The following GGN variants were observed in gnomAD, a reference collection of about 807,000 sequenced individuals.
GGN encodes the protein gametogenetin.
A neutral mutation model predicts 35.5 loss-of-function variants in GGN; 27 were observed. That is an observed-to-expected ratio of 0.76 (90% confidence interval 0.56 to 1.05). The LOEUF (loss-of-function observed/expected upper bound fraction) is 1.05. Among genes scored for constraint, GGN ranks in the 50% least tolerant of loss-of-function variants. The pLI, the probability that GGN is intolerant of heterozygous loss-of-function variation, is 0.00. For missense variants in GGN, 1,006 were observed against 940.7 expected, an observed-to-expected ratio of 1.07 and a Z score of -0.91; for synonymous variants, 425 against 444.1, an observed-to-expected ratio of 0.96 and a Z score of 0.54.
Position 38,384,463 on chromosome 19 carries a change from A to C in GGN, c.1908T>G (p.Ser636=). 6.2e-7 allele frequency: 1 copy of C among 1,614,082 alleles called. No homozygotes were observed. The highest frequency in any genetic ancestry group is 8.5e-7 in the Non-Finnish European group (1 of 1,179,994). Residue 636 remains serine, a synonymous_variant, in exon 4 of 4, where the codon TCT becomes TCG. Transcript: ENST00000334928. The part of the protein sequence containing the change: ...PWVATIKLSG[S]LVAKLEHYDL... ...CGTAGTGCTCCAGCTTGGCCACCAG[A>C]GAGCCGGACAGCTTGATGGTGGCAA...
chr19:38,386,274 C>T lies in GGN; in HGVS notation c.988G>A (p.Ala330Thr), dbSNP rs749782160. 6.2e-7 allele frequency: 1 copy of T among 1,609,948 alleles called. No individual in the cohort carries two copies. Residue 330 changes from alanine (A) to threonine (T), a missense_variant, in exon 3 of 4, where the codon GCG becomes ACG. By Grantham distance (58) the Ala-to-Thr change is moderately conservative. Coordinates refer to ENST00000334928, the MANE Select transcript of GGN (RefSeq NM_152657.4). ...EGCSGPPSAP[A>T]SQARALPPPP... ...GGCGGTAGGGCCCGGGCTTGGGACG[C>T]AGGCGCCGAGGGAGGACCAGAGCAC...
chr19:38,385,938 G>C lies in GGN; in HGVS notation c.1324C>G (p.Pro442Ala). Residue 442 changes from proline to alanine, a missense_variant, in exon 3 of 4, where the codon CCG becomes GCG. Physicochemically the swap from Pro to Ala is conservative, Grantham distance 27. Transcript: ENST00000334928. ...PGLQELPPLP[P>A]PTPPPTLQPP... ...TGCAGTGTGGGCGGCGGTGTGGGCG[G>C]TGGCAGCGGTGGTAACTCCTGCAGG... 6.3e-7 allele frequency: 1 copy of C among 1,588,018 alleles called. No individual in the cohort carries two copies. The highest frequency in any genetic ancestry group is 8.6e-7 in the Non-Finnish European group (1 of 1,168,578).
rs746206553 is a variant in GGN at position 38,384,378 on chromosome 19, G to A, written c.*34C>T. On this transcript the variant is annotated 3_prime_UTR_variant, in exon 4 of 4. Transcript: ENST00000334928. ...CTGGATTGGTTATTTTATTGGCATG[G>A]AGGGGAAGGTGGAGGGTGTTGAGCC... 16 of 1,456,864 alleles carry A rather than the reference G, an allele frequency of 1.1e-5. No individual in the cohort carries two copies. The highest frequency in any genetic ancestry group is 1.7e-5 in the Admixed American group (1 of 59,422). The allele number at this position is 1,456,864 out of a possible 1,614,324, so 90.2% of individuals were successfully genotyped here.
rs545476335 is a variant in GGN at position 38,386,190 on chromosome 19, C to T, written c.1072G>A (p.Asp358Asn). The change falls in exon 3 of 4, where the codon GAC becomes AAC. Residue 358 changes from aspartate (D) to asparagine (N), a missense_variant. Physicochemically the swap from Asp to Asn is conservative, Grantham distance 23. Coordinates refer to ENST00000334928, the MANE Select transcript of GGN (RefSeq NM_152657.4). ...AAGCGGAAGTGGCGTTCAGGGCCGT[C>T]GGGAGCGCTAACCCAGTCGAATTTG... ...KPKFDWVSAP[D>N]GPERHFRFNG... 8.1e-5 allele frequency: 130 copies of T among 1,601,560 alleles called. 3 individuals are homozygous for T. The South Asian group carries it at 1.2e-3, about 15-fold the overall frequency.
intron 3 of GGN, among the ~76,000 whole-genome samples, chr19:38,384,900 C>T (rs996110011): frequency 2.0e-5 from 3 of 152,178 alleles, no homozygotes; most frequent in African/African-American, 7.2e-5. Flanking sequence ...ACATCAGTGC[C>T]CTCTGGCGGC....
rs1970676456 is a variant in GGN, at chr19:38,384,466, G to A, written c.1905C>T (p.Gly635=). The A allele has an allele frequency of 6.2e-7, 1 of 1,614,100 alleles. No homozygotes were observed. The highest frequency in any genetic ancestry group is 8.5e-7 in the Non-Finnish European group (1 of 1,179,996). The change falls in exon 4 of 4, where the codon GGC becomes GGT. Residue 635 remains glycine (G), a synonymous_variant. Transcript: ENST00000334928. ...AGTGCTCCAGCTTGGCCACCAGAGA[G>A]CCGGACAGCTTGATGGTGGCAACCC... ...PPWVATIKLS[G]SLVAKLEHYD...
chr19:38,386,441 C>G lies in GGN; in HGVS notation c.821G>C (p.Gly274Ala), dbSNP rs751392247. 4.3e-6 allele frequency: 7 copies of G among 1,612,574 alleles called. No homozygotes were observed. ...GGCACCTGAGGCAGCAAAGAGGCCG[C>G]CGCCTCCGCCGCCCCCCAGCGAAGC... ...AKASLGGGGG[G>A]GLFAASGAIS... The change falls in exon 3 of 4, where the codon GGC becomes GCC. Residue 274 changes from glycine (G) to alanine (A), a missense_variant. Transcript: ENST00000334928.
At position 38,386,436 on chromosome 19, in the gene GGN, G is replaced by A. The variant is rs763774087; in HGVS notation, c.826C>T (p.Leu276Phe). ...GAGATGGCACCTGAGGCAGCAAAGA[G>A]GCCGCCGCCTCCGCCGCCCCCCAGC... ...ASLGGGGGGG[L>F]FAASGAISYA... is the part of the protein sequence containing the mutation. The change falls in exon 3 of 4, where the codon CTC (leucine) becomes TTC (phenylalanine). Residue 276 changes from leucine to phenylalanine, a missense_variant. By Grantham distance (22) the Leu-to-Phe change is conservative. Coordinates refer to ENST00000334928, the MANE Select transcript of GGN (RefSeq NM_152657.4). 35 of 1,612,682 alleles carry A rather than the reference G, an allele frequency of 2.2e-5. No individual in the cohort carries two copies. The highest frequency in any genetic ancestry group is 3.0e-5 in the Non-Finnish European group (35 of 1,179,932).
In GGN at chr19:38,385,768, C is replaced by G. The variant is rs1036277657; in HGVS notation, c.1494G>C (p.Pro498=). 1.3e-6 allele frequency: 2 copies of G among 1,581,474 alleles called. No homozygotes were observed. The highest frequency in any genetic ancestry group is 1.3e-5 in the African/African-American group (1 of 74,274). The change falls in exon 3 of 4, where the codon CCG becomes CCC. Residue 498 remains proline, a synonymous_variant. Transcript: ENST00000334928. ...GCTCAGCCACGGTGGGAGCTGGAGC[C>G]GGGGATGGGGCCGGGGCCTGGTCGG... ...LAADQAPAPS[P]APAPTVAEPS...
Position 38,386,949 on chromosome 19 carries a change from G to C in GGN, c.313C>G (p.Leu105Val). The change falls in exon 3 of 4, where the codon CTG (leucine) becomes GTG (valine). Residue 105 changes from leucine (L) to valine (V), a missense_variant. Coordinates refer to ENST00000334928, the MANE Select transcript of GGN (RefSeq NM_152657.4). ...TTTTGCCATTTAGACGGGCCGGGCA[G>C]CAGAGTCCCCGCGGGGGCCGGGGGT... ...APPPAPAGTL[L>V]PGPSKWQKPA... 6.5e-7 allele frequency: 1 copy of C among 1,545,156 alleles called. No individual in the cohort carries two copies. Among genetic ancestry groups the C allele is most frequent in the Non-Finnish European group, 8.7e-7 (1 of 1,145,992 alleles).
Position 38,386,096 on chromosome 19 carries a change from G to T in GGN, c.1166C>A (p.Ser389Tyr). ...TATCTGCTCTGGTGGTGGCGGAGGG[G>T]AGCCCCAAGGCCCAGAGAGTGCGGC... The part of the protein sequence containing the change: ...RAAALSGPWG[S>Y]PPPPPEQIHS... The change falls in exon 3 of 4, where the codon TCC becomes TAC. Residue 389 changes from serine (S) to tyrosine (Y), a missense_variant. Ser to Tyr is a moderately radical substitution (Grantham distance 144). Transcript: ENST00000334928. 1 of 1,582,614 alleles carries T rather than the reference G, an allele frequency of 6.3e-7. No homozygotes were observed. The highest frequency in any genetic ancestry group is 2.3e-5 in the East Asian group (1 of 43,716).
At position 38,385,976 on chromosome 19, in the gene GGN, G is replaced by C. The variant is rs779764443; in HGVS notation, c.1286C>G (p.Pro429Arg). 15 of 1,605,254 alleles carry C rather than the reference G, an allele frequency of 9.3e-6. No homozygotes were observed. Among genetic ancestry groups the C allele is most frequent in the Non-Finnish European group, 1.3e-5 (15 of 1,176,228 alleles). ...PAPTNGEPMRPGPPGLQELPP... is the reference protein window; with the variant it reads ...PAPTNGEPMRRGPPGLQELPP... The stretch of plus-strand genomic sequence containing the variant: ...TAACTCCTGCAGGCCTGGAGGCCCC[G>C]GGCGCATGGGCTCGCCATTGGTGGG... The change falls in exon 3 of 4, where the codon CCG (proline) becomes CGG (arginine). Residue 429 changes from proline to arginine, a missense_variant. Transcript: ENST00000334928.
chr19:38,385,570 A>AC lies in GGN; in HGVS notation c.1691dup (p.Gly565TrpfsTer12). On this transcript the variant is annotated frameshift_variant, in exon 3 of 4. Coordinates refer to ENST00000334928, the MANE Select transcript of GGN (RefSeq NM_152657.4). LOFTEE classifies it high-confidence loss of function. ...CAGTCTGAGAGGCCCCGCTGCCACC[A>AC]CCCCCTCCACCACTGCTGTCAGGCA... 6.2e-7 allele frequency: 1 copy of AC among 1,613,518 alleles called. No individual in the cohort carries two copies. Among genetic ancestry groups the AC allele is most frequent in the East Asian group, 2.2e-5 (1 of 44,848 alleles).
Position 38,384,361 on chromosome 19 carries a change from G to T in GGN, c.*51C>A, listed in dbSNP as rs576596853. On this transcript the variant is annotated 3_prime_UTR_variant, in exon 4 of 4. Coordinates refer to ENST00000334928, the MANE Select transcript of GGN (RefSeq NM_152657.4). ...TGACAGGCTGCTGGCATCTGGATTG[G>T]TTATTTTATTGGCATGGAGGGGAAG... 2 of 1,353,224 alleles carry T rather than the reference G, an allele frequency of 1.5e-6. No homozygotes were observed. The highest frequency in any genetic ancestry group is 1.1e-6 in the Non-Finnish European group (1 of 945,550). The allele number at this position is 1,353,224 out of a possible 1,614,324, so 83.8% of individuals were successfully genotyped here.
chr19:38,385,602 CTGTAGCTCGTTCGCGAGGACCA>C lies in GGN; in HGVS notation c.1638_1659del (p.Asp546GlufsTer63). ...CCACCACTGCTGTCAGGCACGGTAGCTGTAGCTCGTTCGCGAGGACCATCTCCATGCAAGCCATCCTTACGGG... is the reference window on the plus strand; with the variant it reads ...CCACCACTGCTGTCAGGCACGGTAGCTCTCCATGCAAGCCATCCTTACGGG... On this transcript the variant is annotated frameshift_variant, in exon 3 of 4. Transcript: ENST00000334928. LOFTEE classifies it high-confidence loss of function. 1 of 1,614,172 alleles carries C rather than the reference CTGTAGCTCGTTCGCGAGGACCA, an allele frequency of 6.2e-7. No homozygotes were observed.
Position 38,384,328 on chromosome 19 carries a change from C to T in GGN, c.*84G>A, listed in dbSNP as rs1471457479. On this transcript the variant is annotated 3_prime_UTR_variant, in exon 4 of 4. Coordinates refer to ENST00000334928, the MANE Select transcript of GGN (RefSeq NM_152657.4). ...TGCTGCACCCTACCCACTGCCTTGG[C>T]GAGTGATTGACAGGCTGCTGGCATC... The T allele has an allele frequency of 2.2e-5, 22 of 988,012 alleles. No homozygotes were observed. The highest frequency in any genetic ancestry group is 1.1e-4 in the African/African-American group (7 of 62,952). 61.2% of individuals were successfully genotyped at this position (988,012 alleles called of 1,614,324 possible). A position where few individuals can be genotyped will look rare whatever the true frequency, so the allele number is the denominator to read the frequency against.
rs778425172 is a variant in GGN, at chr19:38,385,575, C to T, written c.1687G>A (p.Gly563Arg). 11 of 1,614,024 alleles carry T rather than the reference C, an allele frequency of 6.8e-6. No individual in the cohort carries two copies. The South Asian group carries it at 8.8e-5, about 13-fold the overall frequency. ...TATVPDSSGG[G>R]GGGSGASQTG... ...TGAGAGGCCCCGCTGCCACCACCCC[C>T]TCCACCACTGCTGTCAGGCACGGTA... Residue 563 changes from glycine to arginine, a missense_variant, in exon 3 of 4, where the codon GGG (glycine) becomes AGG (arginine). Coordinates refer to ENST00000334928, the MANE Select transcript of GGN (RefSeq NM_152657.4).
chr19:38,387,492 C>G lies in GGN; in HGVS notation c.-19-212G>C, dbSNP rs1970754407. On this transcript the variant is annotated intron_variant, in intron 2 of 3. Coordinates refer to ENST00000334928, the MANE Select transcript of GGN (RefSeq NM_152657.4). The surrounding 1 kb of genome is among the most constrained non-coding windows in gnomAD (Gnocchi z 5.3). Reference sequence around the variant, plus strand: ...CAACACAGCTGCTGTTAAGATACTTCACTACCAGCCCCATTATGTACTAAG... The same window carrying G: ...CAACACAGCTGCTGTTAAGATACTTGACTACCAGCCCCATTATGTACTAAG... Among the ~76,000 whole-genome samples the G allele has an allele frequency of 6.6e-6, 1 of 152,148 alleles. No individual in the cohort carries two copies. Among genetic ancestry groups the G allele is most frequent in the Admixed American group, 6.5e-5 (1 of 15,284 alleles).
At position 38,385,674 on chromosome 19, in the gene GGN, C is replaced by G. The variant is rs1481086292; in HGVS notation, c.1588G>C (p.Gly530Arg). 2 of 1,613,704 alleles carry G rather than the reference C, an allele frequency of 1.2e-6. No individual in the cohort carries two copies. Among genetic ancestry groups the G allele is most frequent in the South Asian group, 1.1e-5 (1 of 91,084 alleles). Residue 530 changes from glycine (G) to arginine (R), a missense_variant, in exon 3 of 4, where the codon GGT becomes CGT. Physicochemically the swap from Gly to Arg is moderately radical, Grantham distance 125. Coordinates refer to ENST00000334928, the MANE Select transcript of GGN (RefSeq NM_152657.4). ...PIKTRTRRNK[G>R]SRAARGATRK... The stretch of plus-strand genomic sequence containing the variant: ...GTCGCGCCCCGGGCTGCACGGGAAC[C>G]CTTGTTCCTGCGCGTGCGGGTCTTG...
Sources: gnomAD v4.1 joint callset for allele counts (sites outside exome capture counted in the v4.1 genomes callset) on GRCh38, gnomAD v4.1.1 for gene constraint, Gnocchi (gnomAD v3.1) non-coding constraint, MANE v1.5 for transcripts, NCBI Gene and HGNC (gene_info 2026-07-23, HGNC 2026-07-21) for gene names.